CADM1: variants seen among roughly 807,000 people sequenced by gnomAD.
CADM1 encodes the protein TSLC-1.
CADM1 carries 15 observed loss-of-function variants against 53.1 expected under a neutral mutation model. The ratio of observed to expected loss-of-function variants is 0.28; its 90% CI spans 0.19 to 0.44. CADM1 has a LOEUF of 0.44. CADM1 is among the 20% of genes least tolerant of loss of function. The pLI, the probability that CADM1 is intolerant of heterozygous loss-of-function variation, is 1.00. For synonymous variants in CADM1, 281 were observed against 243.0 expected, an observed-to-expected ratio of 1.16 and a Z score of -1.45; for missense variants, 434 against 611.3, an observed-to-expected ratio of 0.71 and a Z score of 3.06.
intron 1 of CADM1, among the ~76,000 whole-genome samples, chr11:115,337,934 C>T (rs944427641): frequency 2.0e-5 from 3 of 152,064 alleles, no homozygotes; most frequent in Non-Finnish European, 2.9e-5. Context: ...ATTTTGACTC[C>T]GGCTTTTAAG....
chr11:115,175,262 T>C lies in CADM1; in HGVS notation c.*1212A>G. On this transcript the variant is annotated 3_prime_UTR_variant, in exon 12 of 12. Transcript: ENST00000331581. ...CCTCCTGCCTTTGTCAAGCCAAATC[T>C]GAAGGAATGAAAGTTTCACACAGAT... is the stretch of plus-strand genomic sequence containing the variant. The C allele has an allele frequency of 5.1e-6, 5 of 985,556 alleles. No homozygotes were observed. In the African/African-American group the frequency reaches 8.7e-5, roughly 17 times the overall value. 61.1% of individuals were successfully genotyped at this position (985,556 alleles called of 1,614,324 possible). A position where few individuals can be genotyped will look rare whatever the true frequency, so the allele number is the denominator to read the frequency against.
chr11:115,309,148 C>G (rs1476090413), intron 1 of CADM1, among the ~76,000 whole-genome samples: 1 of 152,004 alleles, frequency 6.6e-6, no homozygotes, highest in Non-Finnish European at 1.5e-5. Flanking sequence ...CCCATTCATT[C>G]TTCCAAGATA....
chr11:115,169,761 C>A lies in CADM1; in HGVS notation c.*6713G>T. On this transcript the variant is annotated 3_prime_UTR_variant, in exon 12 of 12. Coordinates refer to ENST00000331581, the MANE Select transcript of CADM1 (RefSeq NM_001301043.2). Reference sequence around the variant, plus strand: ...ATCAGGTCTGCTGTGTCTGGGCAAACAGCTTTTGTGGATTAGCTAGACTTG... The same window carrying A: ...ATCAGGTCTGCTGTGTCTGGGCAAAAAGCTTTTGTGGATTAGCTAGACTTG... 2 of 344,242 alleles carry A rather than the reference C, an allele frequency of 5.8e-6. No homozygotes were observed. Among genetic ancestry groups the A allele is most frequent in the South Asian group, 4.6e-5 (2 of 43,404 alleles). The allele number at this position is 344,242 out of a possible 1,614,324, so 21.3% of individuals were successfully genotyped here.
At chr11:115,406,469 A>G (rs936610476) in intron 1 of CADM1, among the ~76,000 whole-genome samples, 16 of 149,772 alleles carry the variant, frequency 1.1e-4, no homozygotes, top group African/African-American at 3.6e-4. Flanking sequence ...TGTGAAATAT[A>G]CACTTTTAAA....
chr11:115,248,890 T>C (rs1942499447), intron 1 of CADM1, among the ~76,000 whole-genome samples: 1 of 152,196 alleles, frequency 6.6e-6, no homozygotes, highest in Non-Finnish European at 1.5e-5. Context: ...TTAAGCCTGC[T>C]AAATCTGCTT....
At chr11:115,202,187 CA>C (rs55812891) in intron 8 of CADM1, among the ~76,000 whole-genome samples, 15 of 148,098 alleles carry the variant, frequency 1.0e-4, no homozygotes, top group African/African-American at 2.7e-4. Context: ...AACTAAGTAG[CA>C]AAAAAAAAAA....
chr11:115,469,565 G>A (rs548634500), intron 1 of CADM1, among the ~76,000 whole-genome samples: 9 of 151,132 alleles, frequency 6.0e-5, no homozygotes, highest in South Asian at 4.2e-4. Context: ...GCATTAAACC[G>A]TTTCAAACTA....
At chr11:115,271,133 T>C (rs1480554507) in intron 1 of CADM1, among the ~76,000 whole-genome samples, 1 of 152,158 alleles carries the variant, frequency 6.6e-6, no homozygotes, top group Non-Finnish European at 1.5e-5. Flanking sequence ...AGATAGGTCC[T>C]TAGTACAGCT....
At chr11:115,251,495 G>A (rs752418923) in intron 1 of CADM1, among the ~76,000 whole-genome samples, 61 of 151,494 alleles carry the variant, frequency 4.0e-4, no homozygotes, top group Non-Finnish European at 7.2e-4. Context: ...ATTCTAGAGT[G>A]TATTCTGTGA....
intron 9 of CADM1, among the ~76,000 whole-genome samples, chr11:115,195,999 T>C (rs1346035601): frequency 6.6e-6 from 1 of 152,204 alleles, no homozygotes; most frequent in East Asian, 1.9e-4. Flanking sequence ...ATTCCAAGTA[T>C]ATATATACAA....
intron 1 of CADM1, among the ~76,000 whole-genome samples, chr11:115,453,124 C>T (rs1026294347): frequency 1.3e-5 from 2 of 152,100 alleles, no homozygotes; most frequent in African/African-American, 4.8e-5. Context: ...TGCCTACAAT[C>T]CTAGCACTTT....
chr11:115,268,648 C>T (rs1943211451), intron 1 of CADM1, among the ~76,000 whole-genome samples: 1 of 152,176 alleles, frequency 6.6e-6, no homozygotes, highest in Admixed American at 6.5e-5. Context: ...TTATTGCCTG[C>T]AGATTTTCTT....
intron 9 of CADM1, among the ~76,000 whole-genome samples, chr11:115,194,978 C>A (rs951067755): frequency 2.0e-5 from 3 of 152,224 alleles, no homozygotes; most frequent in African/African-American, 7.2e-5. Context: ...CATGTGGTAT[C>A]AGGATTTGGC....
chr11:115,399,665 T>C (rs1947087963), intron 1 of CADM1, among the ~76,000 whole-genome samples: 1 of 152,212 alleles, frequency 6.6e-6, no homozygotes, highest in Admixed American at 6.5e-5. Flanking sequence ...TTTTTCATCT[T>C]TCAATTTTTC....
chr11:115,257,805 A>C (rs1942841178), intron 1 of CADM1, among the ~76,000 whole-genome samples: 2 of 152,184 alleles, frequency 1.3e-5, no homozygotes, highest in South Asian at 4.1e-4. Flanking sequence ...GTTGTTTTGC[A>C]TACATCTGCA....
At chr11:115,384,049 T>A (rs530318079) in intron 1 of CADM1, among the ~76,000 whole-genome samples, 1 of 152,304 alleles carries the variant, frequency 6.6e-6, no homozygotes, top group East Asian at 1.9e-4. Flanking sequence ...TGATGAGCAC[T>A]GCCATCAATA....
chr11:115,375,864 C>A (rs1474377960), intron 1 of CADM1, among the ~76,000 whole-genome samples: 3 of 152,060 alleles, frequency 2.0e-5, no homozygotes, highest in Non-Finnish European at 4.4e-5. Flanking sequence ...AAATACTCAA[C>A]TTACAATATT....
At chr11:115,190,177 T>G (rs1229022822) in intron 10 of CADM1, among the ~76,000 whole-genome samples, 1 of 152,216 alleles carries the variant, frequency 6.6e-6, no homozygotes, top group African/African-American at 2.4e-5. Flanking sequence ...GGTTGGCAGT[T>G]AAGTCCCACA....
intron 1 of CADM1, among the ~76,000 whole-genome samples, chr11:115,336,902 C>T (rs534558010): frequency 2.6e-5 from 4 of 152,174 alleles, no homozygotes; most frequent in South Asian, 2.1e-4. Flanking sequence ...TATTAGTAAC[C>T]GTTAAGTAAG....
Sources: gnomAD v4.1 joint callset for allele counts (sites outside exome capture counted in the v4.1 genomes callset) on GRCh38, gnomAD v4.1.1 for gene constraint, MANE v1.5 for transcripts, NCBI Gene and HGNC (gene_info 2026-07-23, HGNC 2026-07-21) for gene names.